Variants in SHISA5 observed in about 807,000 individuals in gnomAD.
The protein encoded by SHISA5 is shisa family member 5.
A neutral mutation model predicts 27.5 loss-of-function variants in SHISA5; 21 were observed. That is an observed-to-expected ratio of 0.76 (90% confidence interval 0.54 to 1.10). The LOEUF is 1.10. Among genes scored for constraint, SHISA5 ranks in the 50% least tolerant of loss-of-function variants. The probability of loss-of-function intolerance (pLI) is 0.00; values close to 1 mark genes in which losing one functional copy is unlikely to be tolerated. For synonymous variants in SHISA5, 137 were observed against 142.2 expected (o/e 0.96, Z 0.26); for missense variants, 314 against 336.3 (o/e 0.93, Z 0.52).
chr3:48,477,727 C>T (rs1007180870), intron 3 of SHISA5, among the ~76,000 whole-genome samples: 5 of 152,228 alleles, frequency 3.3e-5, no homozygotes, highest in East Asian at 1.9e-4. Context: ...CATTCCACAG[C>T]GCACTTCACC....
chr3:48,495,408 A>T (rs1485988368), intron 2 of SHISA5, among the ~76,000 whole-genome samples: 1 of 144,598 alleles, frequency 6.9e-6, no homozygotes, highest in Non-Finnish European at 1.5e-5. Context: ...AAAAAAAAAA[A>T]TTGATTGCTT....
At chr3:48,471,419 T>TAAAAAGAC (rs2040608831) in intron 3 of SHISA5, among the ~76,000 whole-genome samples, 1 of 150,716 alleles carries the variant, frequency 6.6e-6, no homozygotes, top group South Asian at 2.1e-4. Flanking sequence ...CCGTCTCTAC[T>TAAAAAGAC]AAAAATTAGC....
intron 3 of SHISA5, among the ~76,000 whole-genome samples, chr3:48,477,822 T>A (rs1575311187): frequency 6.6e-6 from 1 of 152,004 alleles, no homozygotes; most frequent in African/African-American, 2.4e-5. Context: ...TGAATGTAAG[T>A]CTCCATCCTC....
At chr3:48,503,407 C>T (rs1257716031) in intron 1 of SHISA5, among the ~76,000 whole-genome samples, 1 of 152,222 alleles carries the variant, frequency 6.6e-6, no homozygotes, top group Non-Finnish European at 1.5e-5. Flanking sequence ...CTCCACGAAG[C>T]CACCCACCCC....
In SHISA5 at chr3:48,468,100, CA is replaced by C; in HGVS notation, c.*1006del. 1.0e-6 allele frequency: 1 copy of C among 970,030 alleles called. No individual in the cohort carries two copies. Among genetic ancestry groups the C allele is most frequent in the Non-Finnish European group, 1.2e-6 (1 of 806,398 alleles). 60.1% of individuals were successfully genotyped at this position (970,030 alleles called of 1,614,324 possible). A position where few individuals can be genotyped will look rare whatever the true frequency, so the allele number is the denominator to read the frequency against. Reference sequence around the variant, plus strand: ...TGCCAGAACACCGTGGACTGGGGTACAGGAGTTGTTGCATATTCCATGAGGC... The same window carrying C: ...TGCCAGAACACCGTGGACTGGGGTACGGAGTTGTTGCATATTCCATGAGGC... On this transcript the variant is annotated 3_prime_UTR_variant, in exon 6 of 6. Transcript: ENST00000296444.
In SHISA5 at chr3:48,473,726, G is replaced by T; in HGVS notation, c.315-3883C>A. On this transcript the variant is annotated intron_variant, in intron 3 of 5. Coordinates refer to ENST00000296444, the MANE Select transcript of SHISA5 (RefSeq NM_016479.6). This position sits in a 1 kb window ranked among gnomAD's most constrained non-coding sequence, Gnocchi z 4.3. ...TTTATAATTACATGTTAAACTGAGT[G>T]TGTCTGTGCTTTCCTGTGTATGTAT... 2 of 454,910 alleles carry T rather than the reference G, an allele frequency of 4.4e-6. No homozygotes were observed. Among genetic ancestry groups the T allele is most frequent in the Non-Finnish European group, 5.8e-6 (2 of 345,552 alleles). 28.2% of individuals were successfully genotyped at this position (454,910 alleles called of 1,614,324 possible).
chr3:48,498,292 G>A (rs141026693), intron 2 of SHISA5, among the ~76,000 whole-genome samples: 139 of 152,202 alleles, frequency 9.1e-4, no homozygotes, highest in African/African-American at 3.0e-3. Flanking sequence ...CCCTAAACTC[G>A]GAAACAAGAC....
intron 1 of SHISA5, 197 bp downstream of exon 1, chr3:48,503,822 C>A: frequency 7.9e-7 from 1 of 1,271,096 alleles, no homozygotes; most frequent in South Asian, 2.7e-5. Context: ...GGTGTCTAGG[C>A]AGGGTTGTTC....
At chr3:48,482,656 CAG>C (rs2041061807) in intron 2 of SHISA5, among the ~76,000 whole-genome samples, 1 of 151,026 alleles carries the variant, frequency 6.6e-6, no homozygotes, top group African/African-American at 2.4e-5. Context: ...TTTTTTGAGA[CAG>C]AGTCTCGTCT....
At position 48,503,858 on chromosome 3, in the gene SHISA5, G is replaced by A. The variant is rs1575337968; in HGVS notation, c.76+161C>T. 7 of 1,307,894 alleles carry A rather than the reference G, an allele frequency of 5.4e-6. No homozygotes were observed. The East Asian group carries it at 2.2e-4, about 41-fold the overall frequency. 81.0% of individuals were successfully genotyped at this position (1,307,894 alleles called of 1,614,324 possible). ...AGGCAAGGAGGGTGCTGGGGTGGAG[G>A]AGGGGTCCGCAGTCGTGGGGGTTCG... On this transcript the variant is annotated intron_variant, in intron 1 of 5. Transcript: ENST00000296444.
At chr3:48,486,869 G>A (rs916217951) in intron 2 of SHISA5, among the ~76,000 whole-genome samples, 3 of 149,364 alleles carry the variant, frequency 2.0e-5, no homozygotes, top group African/African-American at 2.5e-5. Context: ...ACAGTGAGCC[G>A]AGACTGAGCC....
In SHISA5 at chr3:48,504,086, C is replaced by G; in HGVS notation, c.9G>C (p.Ala3=). 7.3e-7 allele frequency: 1 copy of G among 1,375,916 alleles called. No homozygotes were observed. Among genetic ancestry groups the G allele is most frequent in the Non-Finnish European group, 9.5e-7 (1 of 1,054,060 alleles). The allele number at this position is 1,375,916 out of a possible 1,614,324, so 85.2% of individuals were successfully genotyped here. A position where few individuals can be genotyped will look rare whatever the true frequency, so the allele number is the denominator to read the frequency against. ...ACAGGATCCGCGGCGCGGGGACCGG[C>G]GCAGTCATGGCTGGGCGGGCGGACG... The part of the protein sequence containing the change: MT[A]PVPAPRILLP... Residue 3 remains alanine (A), a synonymous_variant, in exon 1 of 6, where the codon GCG becomes GCC. Coordinates refer to ENST00000296444, the MANE Select transcript of SHISA5 (RefSeq NM_016479.6). This position sits in a 1 kb window ranked among gnomAD's most constrained non-coding sequence, Gnocchi z 4.0.
chr3:48,485,535 T>TA, intron 2 of SHISA5, among the ~76,000 whole-genome samples: 1 of 143,526 alleles, frequency 7.0e-6, no homozygotes, highest in Admixed American at 7.2e-5. Context: ...ATATTAAATA[T>TA]ATATATTATA....
At chr3:48,501,112 C>G (rs3924179) in intron 2 of SHISA5, 25 bp downstream of exon 2, 1 of 1,596,782 alleles carries the variant, frequency 6.3e-7, no homozygotes, top group East Asian at 2.3e-5. Flanking sequence ...AAGCCACCCA[C>G]CCTGTGACCC....
At chr3:48,472,997 C>A in intron 3 of SHISA5, 1 of 1,535,570 alleles carries the variant, frequency 6.5e-7, no homozygotes, top group Non-Finnish European at 8.7e-7. Flanking sequence ...CGCAGCATGG[C>A]GCCCAAGCTC....
chr3:48,499,593 T>C (rs1449394889), intron 2 of SHISA5, among the ~76,000 whole-genome samples: 3 of 148,154 alleles, frequency 2.0e-5, no homozygotes, highest in African/African-American at 7.5e-5. Flanking sequence ...GGTAGGAGAA[T>C]GGCGTGAACC....
At chr3:48,498,406 G>C (rs938762913) in intron 2 of SHISA5, among the ~76,000 whole-genome samples, 2 of 152,196 alleles carry the variant, frequency 1.3e-5, no homozygotes, top group African/African-American at 4.8e-5. Flanking sequence ...AGGAAAGAAG[G>C]CTGGGGGCAG....
At chr3:48,496,319 T>C (rs192316921) in intron 2 of SHISA5, among the ~76,000 whole-genome samples, 113 of 132,100 alleles carry the variant, frequency 8.6e-4, no homozygotes, top group Middle Eastern at 0.012. Context: ...TTAGGCCGGG[T>C]GCAGTGGCTC....
chr3:48,475,456 A>G (rs938005919), intron 3 of SHISA5, among the ~76,000 whole-genome samples: 3 of 151,990 alleles, frequency 2.0e-5, no homozygotes, highest in African/African-American at 2.4e-5. Flanking sequence ...CAAGAAATGG[A>G]AGACTCCAAA....
Sources: allele counts gnomAD v4.1 joint callset (sites outside exome capture counted in the v4.1 genomes callset), GRCh38; gene constraint gnomAD v4.1.1; non-coding constraint Gnocchi (gnomAD v3.1); transcripts MANE v1.5; gene names NCBI Gene and HGNC (gene_info 2026-07-23, HGNC 2026-07-21).